Variants in USP49 observed in about 807,000 individuals in gnomAD.
The protein encoded by USP49 is ubiquitin specific peptidase 49, also known as ubiquitin carboxyl-terminal hydrolase 49.
USP49 carries 24 observed loss-of-function variants against 58.6 expected under a neutral mutation model. The observed-to-expected ratio is 0.41, with a 90% confidence interval of 0.30 to 0.58. The LOEUF is 0.58. Among genes scored for constraint, USP49 ranks in the 20% least tolerant of loss-of-function variants. The pLI, the probability that USP49 is intolerant of heterozygous loss-of-function variation, is 0.30. For missense variants in USP49, 703 were observed against 866.1 expected (o/e 0.81, Z 2.36); for synonymous variants, 408 against 365.1 (o/e 1.12, Z -1.34).
At chr6:41,825,107 A>C (rs2127337461) in intron 3 of USP49, among the ~76,000 whole-genome samples, 1 of 152,320 alleles carries the variant, frequency 6.6e-6, no homozygotes, top group African/African-American at 2.4e-5. Flanking sequence ...AAGTCCCACA[A>C]ATCTTAGCTA....
At position 41,803,535 on chromosome 6, in the gene USP49, CTCAA is replaced by C. The variant is rs1224948926; in HGVS notation, c.1561+267_1561+270del. Among the ~76,000 whole-genome samples, 2 of 152,204 alleles carry C rather than the reference CTCAA, an allele frequency of 1.3e-5. No homozygotes were observed. Among genetic ancestry groups the C allele is most frequent in the Admixed American group, 1.3e-4 (2 of 15,280 alleles). The stretch of plus-strand genomic sequence containing the variant: ...GTCAGGCTGGTCTCAAACTCCTGAC[CTCAA>C]GTGATCTGTCCGCCTTGGCCTCCCA... On this transcript the variant is annotated intron_variant, in intron 5 of 7. Transcript: ENST00000682992. The surrounding 1 kb of genome is among the most constrained non-coding windows in gnomAD (Gnocchi z 4.1).
intron 3 of USP49, among the ~76,000 whole-genome samples, chr6:41,828,182 C>T (rs988635363): frequency 5.3e-5 from 8 of 152,072 alleles, no homozygotes; most frequent in African/African-American, 1.9e-4. Context: ...TGGTGGCTCA[C>T]ACCTGTAATC....
At chr6:41,855,997 G>A (rs146467072) in intron 3 of USP49, among the ~76,000 whole-genome samples, 2 of 151,862 alleles carry the variant, frequency 1.3e-5, no homozygotes, top group East Asian at 3.9e-4. Context: ...GCAGTGAGCT[G>A]AGATAGTGCC....
At chr6:41,861,690 A>G (rs1302765585) in intron 3 of USP49, among the ~76,000 whole-genome samples, 6 of 151,032 alleles carry the variant, frequency 4.0e-5, no homozygotes, top group Admixed American at 4.0e-4. Context: ...TTTCCCATAT[A>G]TCTGGCTTTA....
chr6:41,809,643 G>A (rs1056441464), intron 3 of USP49, among the ~76,000 whole-genome samples: 1 of 151,574 alleles, frequency 6.6e-6, no homozygotes, highest in Non-Finnish European at 1.5e-5. Flanking sequence ...TGCCTAACGC[G>A]GTGAAACCCC....
chr6:41,839,102 T>G (rs1037013892), intron 3 of USP49, among the ~76,000 whole-genome samples: 1 of 152,066 alleles, frequency 6.6e-6, no homozygotes, highest in African/African-American at 2.4e-5. Flanking sequence ...GCATTTAATG[T>G]CTACATCAAA....
Position 41,806,466 on chromosome 6 carries a change from C to G in USP49, c.518G>C (p.Arg173Pro). The G allele has an allele frequency of 6.3e-7, 1 of 1,595,390 alleles. No individual in the cohort carries two copies. Among genetic ancestry groups the G allele is most frequent in the Non-Finnish European group, 8.5e-7 (1 of 1,178,172 alleles). The stretch of plus-strand genomic sequence containing the variant: ...CTTGCGCTCCAGGGCCTCCTCCTGC[C>G]GCCGCTGCTCCAGCTTCGCCTGGCC... The part of the protein sequence containing the change: ...SRGQAKLEQR[R>P]QEEALERKKE... Residue 173 changes from arginine (R) to proline (P), a missense_variant, in exon 4 of 8, where the codon CGG becomes CCG. Physicochemically the swap from Arg to Pro is moderately radical, Grantham distance 103. Coordinates refer to ENST00000682992, the MANE Select transcript of USP49 (RefSeq NM_001286554.2). This position sits in a 1 kb window ranked among gnomAD's most constrained non-coding sequence, Gnocchi z 5.9.
At chr6:41,809,695 G>C (rs1029649160) in intron 3 of USP49, among the ~76,000 whole-genome samples, 1 of 151,142 alleles carries the variant, frequency 6.6e-6, no homozygotes, top group African/African-American at 2.4e-5. Flanking sequence ...GCGTGGTGGT[G>C]GGCGCCTGTG....
chr6:41,807,745 T>C (rs1244918583), intron 3 of USP49, among the ~76,000 whole-genome samples: 2 of 150,076 alleles, frequency 1.3e-5, no homozygotes, highest in Non-Finnish European at 3.0e-5. Context: ...CACAGCCGTA[T>C]ATGTGTTTTT....
chr6:41,798,833 G>C lies in USP49; in HGVS notation c.1767C>G (p.Ser589=). 6.2e-7 allele frequency: 1 copy of C among 1,613,976 alleles called. No homozygotes were observed. Among genetic ancestry groups the C allele is most frequent in the Non-Finnish European group, 8.5e-7 (1 of 1,180,000 alleles). ...MEPYCCRDML[S]SLDKETFAYD... ...AGGCAAAGGTCTCTTTGTCAAGAGAGGAGAGCATGTCCCTGCAGCAGTAAG... is the reference window on the plus strand; with the variant it reads ...AGGCAAAGGTCTCTTTGTCAAGAGACGAGAGCATGTCCCTGCAGCAGTAAG... The change falls in exon 7 of 8, where the codon TCC becomes TCG. Residue 589 remains serine (S), a synonymous_variant. Coordinates refer to ENST00000682992, the MANE Select transcript of USP49 (RefSeq NM_001286554.2).
At chr6:41,841,992 G>C (rs1026137640) in intron 3 of USP49, among the ~76,000 whole-genome samples, 1 of 152,134 alleles carries the variant, frequency 6.6e-6, no homozygotes, top group Non-Finnish European at 1.5e-5. Context: ...GGGAGGCAGA[G>C]GTTGCCATGA....
intron 3 of USP49, among the ~76,000 whole-genome samples, chr6:41,859,565 G>T (rs1214427982): frequency 6.6e-6 from 1 of 152,066 alleles, no homozygotes; most frequent in Non-Finnish European, 1.5e-5. Context: ...TAACAAACCT[G>T]AAGAAGACAT....
intron 3 of USP49, among the ~76,000 whole-genome samples, chr6:41,807,710 G>A (rs560234750): frequency 3.9e-5 from 6 of 151,970 alleles, no homozygotes; most frequent in Non-Finnish European, 8.8e-5. Flanking sequence ...CCAAAGTGCT[G>A]GGAATACAGG....
chr6:41,843,408 T>TG (rs1166437943), intron 3 of USP49, among the ~76,000 whole-genome samples: 1 of 152,194 alleles, frequency 6.6e-6, no homozygotes, highest in Non-Finnish European at 1.5e-5. Flanking sequence ...TGTATAAGCA[T>TG]TGCGTATGTC....
chr6:41,855,018 C>T (rs372511604), intron 3 of USP49, among the ~76,000 whole-genome samples: 1 of 151,934 alleles, frequency 6.6e-6, no homozygotes. Context: ...AAGTGATCCG[C>T]CCACCTTGGC....
At chr6:41,894,173 T>A (rs1459018944) in intron 1 of USP49, 2 of 151,928 alleles carry the variant, frequency 1.3e-5, no homozygotes, top group East Asian at 3.9e-4. Context: ...CTCTTCCTGC[T>A]CCTCTCACCA....
intron 3 of USP49, among the ~76,000 whole-genome samples, chr6:41,809,517 T>C (rs1400627996): frequency 3.3e-5 from 5 of 151,328 alleles, no homozygotes; most frequent in Admixed American, 2.6e-4. Flanking sequence ...AGAGCAAGAC[T>C]CCGTCTCAAA....
In USP49 at chr6:41,815,437, TG is replaced by T. The variant is rs370506465; in HGVS notation, c.-28-8427del. 5.3e-4 allele frequency among the ~76,000 whole-genome samples: 74 copies of T among 138,640 alleles called. No individual in the cohort carries two copies. The East Asian group carries it at 0.013, about 25-fold the overall frequency. 91.0% of individuals were successfully genotyped at this position (138,640 alleles called of 152,430 possible). A position where few individuals can be genotyped will look rare whatever the true frequency, so the allele number is the denominator to read the frequency against. ...CTCCGTCTCAAAAAAAAAAAAAGAG[TG>T]GGGGGCAGAGACTGAGAAGGGTAGG... On this transcript the variant is annotated intron_variant, in intron 3 of 7. Transcript: ENST00000682992.
At chr6:41,868,870 TCTC>T (rs1396797982) in intron 3 of USP49, 1 of 152,208 alleles carries the variant, frequency 6.6e-6, no homozygotes, top group Non-Finnish European at 1.5e-5. Context: ...TTCAAGCAAT[TCTC>T]CTGTTTCAGC....
Sources: allele counts gnomAD v4.1 joint callset (sites outside exome capture counted in the v4.1 genomes callset), GRCh38; gene constraint gnomAD v4.1.1; non-coding constraint Gnocchi (gnomAD v3.1); transcripts MANE v1.5; gene names NCBI Gene and HGNC (gene_info 2026-07-23, HGNC 2026-07-21).